The following KAZN variants were observed in gnomAD, a reference collection of about 807,000 sequenced individuals.
The protein encoded by KAZN is kazrin.
Under a neutral mutation model 87.4 loss-of-function variants are expected in KAZN, and 40 were observed. That is an observed-to-expected ratio of 0.46 (90% CI 0.36 to 0.60). The LOEUF (loss-of-function observed/expected upper bound fraction) is 0.60. Among genes scored for constraint, KAZN ranks in the 20% least tolerant of loss-of-function variants. The pLI, the probability that KAZN is intolerant of heterozygous loss-of-function variation, is 0.00. For missense variants in KAZN, 898 were observed against 1,073.9 expected, an observed-to-expected ratio of 0.84 and a Z score of 2.29; for synonymous variants, 466 against 458.3, an observed-to-expected ratio of 1.02 and a Z score of -0.22.
chr1:14,634,659 C>T (rs538024814), intron 1 of KAZN, among the ~76,000 whole-genome samples: 1 of 152,274 alleles, frequency 6.6e-6, no homozygotes. Context: ...GGCTCCTGGA[C>T]AGGCTGGCTT....
intron 2 of KAZN, among the ~76,000 whole-genome samples, chr1:14,219,198 T>A (rs938466782): frequency 2.0e-5 from 3 of 152,090 alleles, no homozygotes; most frequent in Non-Finnish European, 4.4e-5. Context: ...TAGGGATGTA[T>A]AATCAGGTGA....
rs562638018 is a variant in KAZN at position 14,992,731 on chromosome 1, T to G, written c.418+31856T>G. Among the ~76,000 whole-genome samples the G allele has an allele frequency of 5.9e-5, 9 of 152,204 alleles. No homozygotes were observed. The East Asian group carries it at 1.7e-3, about 30-fold the overall frequency. ...CAATCTCGTCTCACTGCAACCTCCA[T>G]GTCCCGGGTTCGAGCGATTCTCCTG... On this transcript the variant is annotated intron_variant, in intron 2 of 14. Coordinates refer to ENST00000376030, the MANE Select transcript of KAZN (RefSeq NM_201628.3).
At chr1:14,077,564 C>G (rs1293892076) in intron 1 of KAZN, among the ~76,000 whole-genome samples, 1 of 152,110 alleles carries the variant, frequency 6.6e-6, no homozygotes, top group Non-Finnish European at 1.5e-5. Flanking sequence ...GGAAGATGGA[C>G]CTTGTATTGA....
At chr1:14,975,308 C>A (rs923501658) in intron 2 of KAZN, among the ~76,000 whole-genome samples, 1 of 152,208 alleles carries the variant, frequency 6.6e-6, no homozygotes, top group Non-Finnish European at 1.5e-5. Context: ...ATAGGTCTGA[C>A]CACCTGGCCC....
At chr1:14,915,755 C>G (rs1657744208) in intron 1 of KAZN, among the ~76,000 whole-genome samples, 1 of 152,304 alleles carries the variant, frequency 6.6e-6, no homozygotes, top group African/African-American at 2.4e-5. Flanking sequence ...TTGGATGAGT[C>G]CTTTTTGTCT....
At chr1:14,069,412 G>A (rs780306258) in intron 1 of KAZN, among the ~76,000 whole-genome samples, 1 of 152,208 alleles carries the variant, frequency 6.6e-6, no homozygotes, top group Non-Finnish European at 1.5e-5. Context: ...TGGATTTCAT[G>A]CACTGTGCGC....
intron 1 of KAZN, among the ~76,000 whole-genome samples, chr1:14,149,086 C>CTTTCTTT (rs1645415234): frequency 9.2e-6 from 1 of 108,302 alleles, no homozygotes. Context: ...TTCCTTCCTT[C>CTTTCTTT]CTTCCTTTCT....
At chr1:14,697,578 C>T (rs374719827) in intron 1 of KAZN, among the ~76,000 whole-genome samples, 45 of 152,292 alleles carry the variant, frequency 3.0e-4, no homozygotes, top group African/African-American at 8.2e-4. Context: ...AACGGGGCTG[C>T]GTCGTCAGTG....
At chr1:13,931,331 A>G (rs1640500660) in intron 1 of KAZN, among the ~76,000 whole-genome samples, 1 of 152,254 alleles carries the variant, frequency 6.6e-6, no homozygotes, top group South Asian at 2.1e-4. Flanking sequence ...TCCAAATAGC[A>G]GTGCAGCTTC....
chr1:14,987,649 A>G (rs1666959136), intron 2 of KAZN, among the ~76,000 whole-genome samples: 1 of 152,178 alleles, frequency 6.6e-6, no homozygotes, highest in Non-Finnish European at 1.5e-5. Flanking sequence ...AAGCCATTGT[A>G]GCTGGAAAGT....
At chr1:14,810,690 C>A (rs1411023721) in intron 1 of KAZN, among the ~76,000 whole-genome samples, 1 of 152,134 alleles carries the variant, frequency 6.6e-6, no homozygotes, top group Non-Finnish European at 1.5e-5. Context: ...TCAGGCCTGC[C>A]GGATTCCAGG....
At chr1:15,042,640 G>A (rs1673037664) in intron 3 of KAZN, among the ~76,000 whole-genome samples, 1 of 152,200 alleles carries the variant, frequency 6.6e-6, no homozygotes, top group Admixed American at 6.5e-5. Context: ...ATGACTCACA[G>A]CAGTCATTGC....
chr1:13,896,216 C>T (rs981083793), intron 1 of KAZN, among the ~76,000 whole-genome samples: 10 of 152,172 alleles, frequency 6.6e-5, no homozygotes, highest in African/African-American at 1.9e-4. Context: ...TACAAGTTTT[C>T]GCTCATGACT....
intron 1 of KAZN, among the ~76,000 whole-genome samples, chr1:14,036,174 G>A (rs1641548389): frequency 6.6e-6 from 1 of 152,218 alleles, no homozygotes; most frequent in African/African-American, 2.4e-5. Context: ...GTTTCTCATG[G>A]TAGCTGAGGA....
chr1:14,611,456 G>T (rs1424365294), intron 1 of KAZN, among the ~76,000 whole-genome samples: 1 of 152,156 alleles, frequency 6.6e-6, no homozygotes, highest in Non-Finnish European at 1.5e-5. Flanking sequence ...CCCTCCCGAG[G>T]TGGGAGGATT....
At chr1:14,348,470 C>T (rs820670) in intron 2 of KAZN, among the ~76,000 whole-genome samples, 146,819 of 152,342 alleles carry the variant, frequency 0.96, 70,781 homozygotes, top group South Asian at 0.97. Context: ...AACATTTGCA[C>T]TTACCTGGAG....
At chr1:14,369,923 G>C (rs1660330434) in intron 2 of KAZN, among the ~76,000 whole-genome samples, 1 of 152,204 alleles carries the variant, frequency 6.6e-6, no homozygotes, top group Non-Finnish European at 1.5e-5. Flanking sequence ...AATTAATCCA[G>C]AAACAACTGG....
At chr1:14,507,872 T>C (rs1030927657) in intron 2 of KAZN, among the ~76,000 whole-genome samples, 2 of 151,234 alleles carry the variant, frequency 1.3e-5, no homozygotes, top group Non-Finnish European at 2.9e-5. Flanking sequence ...GAGGCTGAGG[T>C]AGGAGAATGG....
At chr1:14,454,698 T>C (rs6429663) in intron 2 of KAZN, among the ~76,000 whole-genome samples, 88,190 of 152,020 alleles carry the variant, frequency 0.58, 26,237 homozygotes, top group African/African-American at 0.7. Flanking sequence ...GCAGTGGTAC[T>C]CATGAATGTT....
Sources: gnomAD v4.1 joint callset for allele counts (sites outside exome capture counted in the v4.1 genomes callset) on GRCh38, gnomAD v4.1.1 for gene constraint, MANE v1.5 for transcripts, NCBI Gene and HGNC (gene_info 2026-07-23, HGNC 2026-07-21) for gene names.